The following VPS13A variants were observed in gnomAD, a reference collection of about 807,000 sequenced individuals.
VPS13A encodes the protein vacuolar protein sorting 13 homolog A.
Under a neutral mutation model 390.9 loss-of-function variants are expected in VPS13A, and 264 were observed. The ratio of observed to expected loss-of-function variants is 0.68; its 90% CI spans 0.61 to 0.75. The LOEUF (loss-of-function observed/expected upper bound fraction) is 0.75. Among genes scored for constraint, VPS13A ranks in the 30% least tolerant of loss-of-function variants. The probability of loss-of-function intolerance (pLI) is 0.00; values close to 1 mark genes in which losing one functional copy is unlikely to be tolerated. For synonymous variants in VPS13A, 1,231 were observed against 1,227.1 expected (o/e 1.00, Z -0.07); for missense variants, 3,409 against 3,733.9 (o/e 0.91, Z 2.27).
At chr9:77,407,779 CTT>C (rs1466986660) in intron 71 of VPS13A, 172 bp downstream of exon 71, 1 of 559,226 alleles carries the variant, frequency 1.8e-6, no homozygotes, top group Non-Finnish European at 3.1e-6. Flanking sequence ...TTACCCCAGA[CTT>C]TTTTTTCTAC....
Position 77,227,479 on chromosome 9 carries a change from A to G in VPS13A, c.1446A>G (p.Leu482=), listed in dbSNP as rs1246925535. ...YSETAVDPTL[L]KTFEALKFFV... is the part of the protein sequence containing the mutation. ...AAACAGCAGTTGATCCAACTTTACT[A>G]AAAACAGTAAGATGTTTTCTTGCCT... Residue 482 remains leucine (L), a synonymous_variant, in exon 16 of 72, where the codon CTA becomes CTG. Coordinates refer to ENST00000360280, the MANE Select transcript of VPS13A (RefSeq NM_033305.3). The G allele has an allele frequency of 6.2e-7, 1 of 1,608,138 alleles. No homozygotes were observed.
chr9:77,213,186 TAAA>T, intron 8 of VPS13A, 45 bp from the exon 9 acceptor site: 2 of 1,585,588 alleles, frequency 1.3e-6, no homozygotes, highest in Non-Finnish European at 1.7e-6. Context: ...TAGTGTATGA[TAAA>T]AATTCTTCAA....
intron 23 of VPS13A, among the ~76,000 whole-genome samples, chr9:77,266,095 T>A (rs1826021074): frequency 6.6e-6 from 1 of 152,314 alleles, no homozygotes; most frequent in African/African-American, 2.4e-5. Context: ...CATGTAGTTG[T>A]GCGGTTTTGA....
intron 23 of VPS13A, among the ~76,000 whole-genome samples, chr9:77,263,180 C>T (rs1413676564): frequency 6.6e-6 from 1 of 150,632 alleles, no homozygotes; most frequent in Non-Finnish European, 1.5e-5. Flanking sequence ...GATCTTGGCT[C>T]ACTGCAAGCT....
chr9:77,273,449 C>T (rs546177736), intron 24 of VPS13A, 85 bp downstream of exon 24: 3 of 1,078,202 alleles, frequency 2.8e-6, no homozygotes, highest in East Asian at 2.6e-5. Context: ...AAGGACCACA[C>T]AGAGGAAGGA....
chr9:77,209,993 T>A (rs1590002042), intron 6 of VPS13A, among the ~76,000 whole-genome samples: 1 of 152,292 alleles, frequency 6.6e-6, no homozygotes, highest in African/African-American at 2.4e-5. Flanking sequence ...AAACATGCAG[T>A]ATAATATTCC....
At chr9:77,403,777 G>A (rs746131273) in intron 69 of VPS13A, among the ~76,000 whole-genome samples, 3 of 152,148 alleles carry the variant, frequency 2.0e-5, no homozygotes, top group Admixed American at 6.6e-5. Flanking sequence ...ACAGTGGAGG[G>A]GTACATGTAA....
At chr9:77,305,094 G>A (rs1046066989) in intron 34 of VPS13A, among the ~76,000 whole-genome samples, 9 of 151,808 alleles carry the variant, frequency 5.9e-5, no homozygotes, top group Non-Finnish European at 1.2e-4. Context: ...ATCCGCCACC[G>A]CGCCCGGCTA....
At chr9:77,338,932 C>T (rs956861906) in intron 47 of VPS13A, 6 of 154,942 alleles carry the variant, frequency 3.9e-5, no homozygotes, top group African/African-American at 1.2e-4. Flanking sequence ...CTAGAGGGGA[C>T]AAGAGCGGTT....
intron 22 of VPS13A, 131 bp downstream of exon 22, chr9:77,252,483 G>T: frequency 1.2e-6 from 1 of 826,388 alleles, no homozygotes; most frequent in Non-Finnish European, 2.1e-6. Context: ...TTGTGTGTGT[G>T]GTAAAATGTA....
chr9:77,296,979 A>T (rs556618204), intron 33 of VPS13A, among the ~76,000 whole-genome samples: 15 of 152,078 alleles, frequency 9.9e-5, no homozygotes, highest in African/African-American at 3.4e-4. Context: ...ATCTGTAATG[A>T]TGTGTCCTCC....
intron 69 of VPS13A, among the ~76,000 whole-genome samples, chr9:77,405,329 G>A (rs748117401): frequency 6.6e-6 from 1 of 152,120 alleles, no homozygotes; most frequent in African/African-American, 2.4e-5. Flanking sequence ...GTTACATGGA[G>A]CCTTAGAAAT....
chr9:77,295,395 A>G (rs1827923343), intron 32 of VPS13A, 147 bp from the exon 33 acceptor site: 1 of 631,242 alleles, frequency 1.6e-6, no homozygotes, highest in Non-Finnish European at 2.4e-6. Context: ...AAGATTTAAT[A>G]TAGACAGTAA....
intron 33 of VPS13A, among the ~76,000 whole-genome samples, chr9:77,299,042 C>T (rs913577292): frequency 6.6e-6 from 1 of 152,106 alleles, no homozygotes; most frequent in African/African-American, 2.4e-5. Flanking sequence ...CTTGTTTTTT[C>T]AGGTTTGTCA....
At chr9:77,372,995 C>T (rs1439554898) in intron 67 of VPS13A, among the ~76,000 whole-genome samples, 3 of 152,034 alleles carry the variant, frequency 2.0e-5, no homozygotes, top group African/African-American at 4.8e-5. Flanking sequence ...AGGATACAAA[C>T]GAATGGAAGA....
At position 77,264,749 on chromosome 9, in the gene VPS13A, C is replaced by T. The variant is rs149513951; in HGVS notation, c.2427+4525C>T. ...CAGTCATGTCATCTGCAAACAGAGA[C>T]GATTTGATTTCCTTTCTTCCTATTT... On this transcript the variant is annotated intron_variant, in intron 23 of 71. Transcript: ENST00000360280. 2.4e-3 allele frequency among the ~76,000 whole-genome samples: 366 copies of T among 152,236 alleles called. 1 individual carries two copies. The highest frequency in any genetic ancestry group is 8.2e-3 in the African/African-American group (342 of 41,542).
intron 42 of VPS13A, among the ~76,000 whole-genome samples, chr9:77,320,224 G>A (rs1449063744): frequency 6.6e-6 from 1 of 152,052 alleles, no homozygotes. Context: ...AGTAATAATA[G>A]CTACAAAGTG....
intron 68 of VPS13A, among the ~76,000 whole-genome samples, chr9:77,389,391 C>G (rs1395676514): frequency 6.6e-6 from 1 of 150,918 alleles, no homozygotes; most frequent in African/African-American, 2.4e-5. Context: ...ACTGTATCCT[C>G]AAACTATGGA....
At chr9:77,303,304 C>T (rs1158344932) in intron 34 of VPS13A, among the ~76,000 whole-genome samples, 1 of 152,086 alleles carries the variant, frequency 6.6e-6, no homozygotes, top group Non-Finnish European at 1.5e-5. Context: ...TGGAACTTGC[C>T]AGTCTAATGC....
Sources: gnomAD v4.1 joint callset for allele counts (sites outside exome capture counted in the v4.1 genomes callset) on GRCh38, gnomAD v4.1.1 for gene constraint, MANE v1.5 for transcripts, NCBI Gene and HGNC (gene_info 2026-07-23, HGNC 2026-07-21) for gene names.